PCDH15: variants seen among roughly 807,000 people sequenced by gnomAD.
The protein encoded by PCDH15 is protocadherin-15.
Under a neutral mutation model 178.5 loss-of-function variants are expected in PCDH15, and 129 were observed. The ratio of observed to expected loss-of-function variants is 0.72; its 90% CI spans 0.63 to 0.84. PCDH15 has a LOEUF of 0.84. Ranked by LOEUF, PCDH15 falls within the 40% of genes least tolerant of loss-of-function variation. PCDH15 has a pLI of 0.00. For missense variants in PCDH15, 2,230 were observed against 2,099.9 expected (o/e 1.06, Z -1.21); for synonymous variants, 800 against 732.0 (o/e 1.09, Z -1.50).
intron 3 of PCDH15, among the ~76,000 whole-genome samples, chr10:54,425,056 T>C (rs1032821006): frequency 1.7e-4 from 26 of 149,842 alleles, no homozygotes; most frequent in Admixed American, 6.0e-4. Flanking sequence ...AACAGGTAGG[T>C]TGAAAATGTG....
chr10:53,983,361 AG>A (rs2090833868), intron 21 of PCDH15, among the ~76,000 whole-genome samples: 3 of 146,332 alleles, frequency 2.1e-5, no homozygotes, highest in African/African-American at 8.2e-5. Flanking sequence ...CAAAAGAGAA[AG>A]AAAAAAAAAA....
intron 21 of PCDH15, among the ~76,000 whole-genome samples, chr10:53,970,839 C>T (rs2089606943): frequency 1.3e-5 from 2 of 152,148 alleles, no homozygotes; most frequent in African/African-American, 2.4e-5. Context: ...GATGGATTCA[C>T]AGCCAAATTC....
chr10:54,242,732 C>T (rs540042049), intron 8 of PCDH15, among the ~76,000 whole-genome samples: 3 of 152,130 alleles, frequency 2.0e-5, no homozygotes. Context: ...TGAATGATGT[C>T]TTCATCTGAG....
intron 26 of PCDH15, among the ~76,000 whole-genome samples, chr10:53,877,464 C>T (rs2080329535): frequency 1.9e-5 from 2 of 107,242 alleles, no homozygotes; most frequent in Admixed American, 1.2e-4. Flanking sequence ...CGAAAATATC[C>T]ACTCTTAAAC....
At chr10:53,996,310 T>G (rs2091844312) in intron 20 of PCDH15, among the ~76,000 whole-genome samples, 1 of 151,776 alleles carries the variant, frequency 6.6e-6, no homozygotes, top group Non-Finnish European at 1.5e-5. Context: ...TAATGACACT[T>G]AAGATTAGAT....
chr10:54,716,005 C>T (rs1181612587), intron 1 of PCDH15, among the ~76,000 whole-genome samples: 1 of 152,106 alleles, frequency 6.6e-6, no homozygotes, highest in East Asian at 1.9e-4. Context: ...ATTTAGGCCA[C>T]CTCACTCTTC....
At chr10:55,028,692 C>A (rs990156360) in intron 2 of PCDH15, among the ~76,000 whole-genome samples, 1 of 151,960 alleles carries the variant, frequency 6.6e-6, no homozygotes, top group Non-Finnish European at 1.5e-5. Flanking sequence ...CATGAAGATG[C>A]AACCATATTC....
chr10:54,788,561 C>T lies in PCDH15; in HGVS notation c.-29+12364G>A, dbSNP rs116087073. Among the ~76,000 whole-genome samples, 150 of 151,956 alleles carry T rather than the reference C, an allele frequency of 9.9e-4. 1 individual carries two copies. Among genetic ancestry groups the T allele is most frequent in the Middle Eastern group, 6.8e-3 (2 of 294 alleles). On this transcript the variant is annotated intron_variant, in intron 1 of 37. Coordinates refer to ENST00000644397, the MANE Select transcript of PCDH15 (RefSeq NM_001384140.1). ...AAGAAAGTATATCTGAGAACATTAA[C>T]GTGTGAGATATACATAGAGTAAGAA... is the stretch of plus-strand genomic sequence containing the variant.
At chr10:54,470,340 A>G (rs866118450) in intron 3 of PCDH15, among the ~76,000 whole-genome samples, 5 of 152,156 alleles carry the variant, frequency 3.3e-5, no homozygotes, top group African/African-American at 9.7e-5. Flanking sequence ...TTGCTGGGTC[A>G]CTGTCAGTGC....
intron 3 of PCDH15, among the ~76,000 whole-genome samples, chr10:54,413,786 C>T (rs894639657): frequency 2.4e-4 from 36 of 152,028 alleles, no homozygotes; most frequent in African/African-American, 8.0e-4. Context: ...TGAGAACATG[C>T]GGTATTAGAC....
intron 8 of PCDH15, among the ~76,000 whole-genome samples, chr10:54,255,896 G>A (rs11004183): frequency 0.068 from 10,332 of 152,146 alleles, 689 homozygotes; most frequent in African/African-American, 0.16. Context: ...AGAAAAAGAC[G>A]CCTCAGCATA....
intron 2 of PCDH15, among the ~76,000 whole-genome samples, chr10:55,461,893 C>T (rs1460290246): frequency 1.3e-5 from 2 of 151,974 alleles, no homozygotes; most frequent in East Asian, 1.9e-4. Context: ...GTTGAAATTA[C>T]TGTTTGTCTC....
chr10:54,995,477 T>C (rs1839618517), intron 2 of PCDH15, among the ~76,000 whole-genome samples: 3 of 151,716 alleles, frequency 2.0e-5, no homozygotes, highest in Admixed American at 1.3e-4. Flanking sequence ...TTTGGTCTGG[T>C]ATATTGTATG....
intron 26 of PCDH15, among the ~76,000 whole-genome samples, chr10:53,889,102 A>C (rs1055828655): frequency 2.6e-5 from 4 of 151,958 alleles, no homozygotes; most frequent in African/African-American, 9.7e-5. Context: ...AAATCTAAAC[A>C]TAAAATATGA....
chr10:55,231,445 C>T (rs1040722324), intron 1 of PCDH15, among the ~76,000 whole-genome samples: 1 of 151,932 alleles, frequency 6.6e-6, no homozygotes, highest in African/African-American at 2.4e-5. Context: ...AACTACCTAG[C>T]TAAGGCCACT....
At chr10:54,572,353 G>A (rs1346080498) in intron 2 of PCDH15, among the ~76,000 whole-genome samples, 2 of 151,988 alleles carry the variant, frequency 1.3e-5, no homozygotes, top group African/African-American at 2.4e-5. Context: ...TCAAACGCTA[G>A]GAGAATCACA....
Position 55,049,977 on chromosome 10 carries a change from A to G in PCDH15, c.-80+116599T>C, listed in dbSNP as rs186933773. Among the ~76,000 whole-genome samples the G allele has an allele frequency of 2.6e-5, 4 of 152,120 alleles. No homozygotes were observed. In the East Asian group the frequency reaches 7.7e-4, roughly 29 times the overall value. On this transcript the variant is annotated intron_variant, in intron 2 of 5. Coordinates refer to the PCDH15 transcript ENST00000458638. Reference sequence around the variant, plus strand: ...ATTGGAAATTTCAATGGCCTTTTGAATGTATATTTTGCAATTGTTGATCTA... The same window carrying G: ...ATTGGAAATTTCAATGGCCTTTTGAGTGTATATTTTGCAATTGTTGATCTA...
intron 10 of PCDH15, among the ~76,000 whole-genome samples, chr10:54,204,329 C>T (rs1174903944): frequency 7.0e-6 from 1 of 142,866 alleles, no homozygotes; most frequent in Admixed American, 7.4e-5. Context: ...AAAACATCAA[C>T]ATTTAATCCA....
chr10:54,138,170 GA>G (rs2043058025), intron 14 of PCDH15, among the ~76,000 whole-genome samples: 1 of 152,216 alleles, frequency 6.6e-6, no homozygotes, highest in Non-Finnish European at 1.5e-5. Context: ...CTGAAAGTGG[GA>G]AGCATCCTGT....
Sources: allele counts gnomAD v4.1 joint callset (sites outside exome capture counted in the v4.1 genomes callset), GRCh38; gene constraint gnomAD v4.1.1; transcripts MANE v1.5; gene names NCBI Gene and HGNC (gene_info 2026-07-23, HGNC 2026-07-21).